The following ADGRF5 variants were observed in gnomAD, a reference collection of about 807,000 sequenced individuals.
ADGRF5 encodes the protein adhesion G protein-coupled receptor F5, also known as G-protein coupled receptor 116.
In ADGRF5, 75 loss-of-function variants were observed where a neutral mutation model predicts 132.3. That is an observed-to-expected ratio of 0.57 (90% confidence interval 0.47 to 0.69). The LOEUF (loss-of-function observed/expected upper bound fraction) is 0.69. Ranked by LOEUF, ADGRF5 falls within the 30% of genes least tolerant of loss-of-function variation. The probability of loss-of-function intolerance (pLI) is 0.00; values close to 1 mark genes in which losing one functional copy is unlikely to be tolerated. For missense variants in ADGRF5, 1,516 were observed against 1,630.6 expected (o/e 0.93, Z 1.21); for synonymous variants, 629 against 597.6 (o/e 1.05, Z -0.77).
intron 1 of ADGRF5, 36 bp from the exon 2 acceptor site, chr6:46,906,822 A>G (rs1023989753): frequency 3.7e-5 from 32 of 876,596 alleles, no homozygotes; most frequent in Non-Finnish European, 5.8e-5. Context: ...ATATACAGCA[A>G]TTTATTTCTT....
chr6:46,914,841 T>C (rs1776288341), intron 1 of ADGRF5, among the ~76,000 whole-genome samples: 1 of 151,848 alleles, frequency 6.6e-6, no homozygotes, highest in Non-Finnish European at 1.5e-5. Flanking sequence ...TTTTGTTGTT[T>C]GTTTTTATTT....
chr6:46,949,567 A>G (rs1196344858), intron 1 of ADGRF5, among the ~76,000 whole-genome samples: 2 of 152,344 alleles, frequency 1.3e-5, no homozygotes, highest in African/African-American at 2.4e-5. Context: ...TTCTCTCTCC[A>G]AAAGTCAAAT....
intron 7 of ADGRF5, 126 bp downstream of exon 7, chr6:46,881,923 C>T: frequency 1.3e-6 from 1 of 775,234 alleles, no homozygotes; most frequent in Non-Finnish European, 2.3e-6. Flanking sequence ...GTACTTTTTT[C>T]ACCTCTACCA....
chr6:46,903,980 T>C (rs1775041984), intron 2 of ADGRF5, among the ~76,000 whole-genome samples: 1 of 152,190 alleles, frequency 6.6e-6, no homozygotes, highest in African/African-American at 2.4e-5. Flanking sequence ...AGTTGACAGT[T>C]TCCAAAGCTA....
chr6:46,884,752 C>A (rs1383409866), intron 4 of ADGRF5, among the ~76,000 whole-genome samples: 1 of 152,210 alleles, frequency 6.6e-6, no homozygotes, highest in African/African-American at 2.4e-5. Flanking sequence ...CTTGGTTGCT[C>A]TCTCTCTTTC....
Position 46,859,170 on chromosome 6 carries a change from C to T in ADGRF5, c.2733G>A (p.Gln911=), listed in dbSNP as rs1243253766. 2 of 1,614,002 alleles carry T rather than the reference C, an allele frequency of 1.2e-6. No homozygotes were observed. The highest frequency in any genetic ancestry group is 2.7e-5 in the African/African-American group (2 of 74,926). The change falls in exon 17 of 21, where the codon CAG becomes CAA. Residue 911 remains glutamine (Q), a synonymous_variant. Coordinates refer to ENST00000283296, the MANE Select transcript of ADGRF5 (RefSeq NM_001098518.2). Reference sequence around the variant, plus strand: ...CTGCAAAGTTATTTTCCTGGATATCCTGGGCAAGGATGGCTTGGAGAGTTG... The same window carrying T: ...CTGCAAAGTTATTTTCCTGGATATCTTGGGCAAGGATGGCTTGGAGAGTTG... ...AFPTLQAILA[Q]DIQENNFAES...
intron 10 of ADGRF5, among the ~76,000 whole-genome samples, chr6:46,874,685 C>T (rs1771443994): frequency 6.6e-6 from 1 of 152,118 alleles, no homozygotes; most frequent in Non-Finnish European, 1.5e-5. Context: ...ACTTGGCATT[C>T]CATCAAGCTG....
intron 1 of ADGRF5, among the ~76,000 whole-genome samples, chr6:46,929,967 C>T (rs1271025309): frequency 6.6e-6 from 1 of 152,048 alleles, no homozygotes; most frequent in African/African-American, 2.4e-5. Context: ...ATTACAGGCA[C>T]TCACCACCAT....
intron 1 of ADGRF5, among the ~76,000 whole-genome samples, chr6:46,920,115 T>A (rs749744966): frequency 2.0e-5 from 3 of 152,244 alleles, no homozygotes; most frequent in East Asian, 3.8e-4. Flanking sequence ...CTAGCTATTA[T>A]CTATCTAGTT....
chr6:46,899,793 G>T (rs1774562151), intron 3 of ADGRF5, among the ~76,000 whole-genome samples: 1 of 151,948 alleles, frequency 6.6e-6, no homozygotes, highest in Non-Finnish European at 1.5e-5. Flanking sequence ...AGGAATGTGA[G>T]GAGCAGTGAT....
chr6:46,888,770 G>A (rs1773319855), intron 3 of ADGRF5, among the ~76,000 whole-genome samples: 1 of 152,136 alleles, frequency 6.6e-6, no homozygotes. Context: ...GAGGGTCTGG[G>A]AACTGTTCGG....
chr6:46,871,161 C>G (rs988856839), intron 11 of ADGRF5, among the ~76,000 whole-genome samples: 3 of 152,086 alleles, frequency 2.0e-5, no homozygotes, highest in African/African-American at 7.2e-5. Context: ...AATGATTAAT[C>G]TAAATTGTTC....
chr6:46,924,103 C>A (rs1206679841), upstream of ADGRF5, among the ~76,000 whole-genome samples: 2 of 152,222 alleles, frequency 1.3e-5, no homozygotes, highest in Admixed American at 1.3e-4. Flanking sequence ...TATTTTCCAG[C>A]ATGTTCCCAG....
intron 1 of ADGRF5, among the ~76,000 whole-genome samples, chr6:46,945,951 G>A (rs1315942859): frequency 2.6e-5 from 4 of 152,066 alleles, no homozygotes; most frequent in African/African-American, 7.2e-5. Context: ...CCATGAGAAC[G>A]GTATGAGGGA....
chr6:46,859,387 C>G lies in ADGRF5; in HGVS notation c.2516G>C (p.Gly839Ala), dbSNP rs1309542674. The G allele has an allele frequency of 1.2e-6, 2 of 1,613,662 alleles. No individual in the cohort carries two copies. The highest frequency in any genetic ancestry group is 1.7e-6 in the Non-Finnish European group (2 of 1,179,752). The change falls in exon 17 of 21, where the codon GGA becomes GCA. Residue 839 changes from glycine (G) to alanine (A), a missense_variant. Coordinates refer to ENST00000283296, the MANE Select transcript of ADGRF5 (RefSeq NM_001098518.2). Reference protein sequence around the residue: ...VERFSQALQSGDSPPLSFSQT... With the variant: ...VERFSQALQSADSPPLSFSQT... ...GGAGAAGGACAAAGGAGGGCTATCTCCCGACTGTAATGCTTGGGAAAATCT... is the reference window on the plus strand; with the variant it reads ...GGAGAAGGACAAAGGAGGGCTATCTGCCGACTGTAATGCTTGGGAAAATCT...
At position 46,879,986 on chromosome 6, in the gene ADGRF5, T is replaced by G. The variant is rs1772271574; in HGVS notation, c.868A>C (p.Ser290Arg). The change falls in exon 9 of 21, where the codon AGT becomes CGT. Residue 290 changes from serine (S) to arginine (R), a missense_variant. Ser to Arg is a moderately radical substitution (Grantham distance 110, BLOSUM62 -1). This residue lies in a region of ADGRF5 where 945 missense variants were observed against 929.4 expected (regional missense o/e 1.02). Coordinates refer to ENST00000283296, the MANE Select transcript of ADGRF5 (RefSeq NM_001098518.2). ...AAAACTTCCTTTTCACACACCAGAC[T>G]GACTGTGTCCCCTTCAAAGATGATT... ...PEIIFEGDTV[S>R]LVCEKEVLSS... is the part of the protein sequence containing the mutation. 1 of 1,613,988 alleles carries G rather than the reference T, an allele frequency of 6.2e-7. No individual in the cohort carries two copies. The highest frequency in any genetic ancestry group is 1.3e-5 in the African/African-American group (1 of 74,926).
chr6:46,894,652 G>A (rs1176324506), intron 3 of ADGRF5, among the ~76,000 whole-genome samples: 2 of 152,162 alleles, frequency 1.3e-5, no homozygotes, highest in Non-Finnish European at 2.9e-5. Flanking sequence ...GAGAGAATGG[G>A]GAAGGAATGT....
At chr6:46,905,856 G>A (rs573812238) in intron 2 of ADGRF5, among the ~76,000 whole-genome samples, 1 of 152,260 alleles carries the variant, frequency 6.6e-6, no homozygotes, top group East Asian at 1.9e-4. Flanking sequence ...TTATGTGCCA[G>A]ACACTGTTCT....
At chr6:46,881,340 CCT>C (rs1180138003) in intron 8 of ADGRF5, 113 bp downstream of exon 8, 2 of 839,696 alleles carry the variant, frequency 2.4e-6, no homozygotes, top group Non-Finnish European at 3.9e-6. Flanking sequence ...TACAGAACCC[CCT>C]GTGCCAGGAA....
Sources: gnomAD v4.1 joint callset for allele counts (sites outside exome capture counted in the v4.1 genomes callset) on GRCh38, gnomAD v4.1.1 for gene constraint, gnomAD v4.1.1 regional missense constraint, MANE v1.5 for transcripts, NCBI Gene and HGNC (gene_info 2026-07-23, HGNC 2026-07-21) for gene names.